The following CDKN2B-AS1 variants were observed in gnomAD, a reference collection of about 807,000 sequenced individuals.
CDKN2B-AS1 encodes CDKN2B antisense RNA 1 (non-protein coding).
intron 4 of CDKN2B-AS1, among the ~76,000 whole-genome samples, chr9:22,116,559 G>T (rs148769495): frequency 2.0e-4 from 31 of 152,280 alleles, no homozygotes; most frequent in African/African-American, 7.5e-4. Context: ...TCTCTGAGGA[G>T]GTGACATTTG....
chr9:22,105,998 C>T (rs1265948926), intron 4 of CDKN2B-AS1, among the ~76,000 whole-genome samples: 1 of 152,228 alleles, frequency 6.6e-6, no homozygotes, highest in Non-Finnish European at 1.5e-5. Context: ...GCAACCTCTG[C>T]CTCCCGGATA....
chr9:22,071,688 A>G (rs1239885532), intron 4 of CDKN2B-AS1, among the ~76,000 whole-genome samples: 1 of 152,164 alleles, frequency 6.6e-6, no homozygotes, highest in Non-Finnish European at 1.5e-5. Flanking sequence ...ATTTTCAAGT[A>G]TCCATTGTGG....
rs945858601 is a variant in CDKN2B-AS1 at position 22,094,600 on chromosome 9, C to G, written n.439-32503C>G. ...ACTGATACCCTTTCTTCCAGTTGATCGAATCGGCTACTGAGGCTTGTGCAT... is the reference window on the plus strand; with the variant it reads ...ACTGATACCCTTTCTTCCAGTTGATGGAATCGGCTACTGAGGCTTGTGCAT... On this transcript the variant is annotated intron_variant and non_coding_transcript_variant, in intron 4 of 4. Transcript: ENST00000650946. 8.3e-5 allele frequency among the ~76,000 whole-genome samples: 12 copies of G among 144,428 alleles called. No individual in the cohort carries two copies. In the South Asian group the frequency reaches 1.3e-3, roughly 15 times the overall value. 94.8% of individuals were successfully genotyped at this position (144,428 alleles called of 152,430 possible).
At chr9:22,041,901 A>G (rs1822911846) in intron 1 of CDKN2B-AS1, among the ~76,000 whole-genome samples, 1 of 152,034 alleles carries the variant, frequency 6.6e-6, no homozygotes, top group African/African-American at 2.4e-5. Flanking sequence ...ATATTTCTCA[A>G]CATACCATAA....
chr9:22,054,036 A>G (rs1276030546), intron 3 of CDKN2B-AS1, among the ~76,000 whole-genome samples: 1 of 152,198 alleles, frequency 6.6e-6, no homozygotes, highest in African/African-American at 2.4e-5. Flanking sequence ...TAGGGTCCTA[A>G]TCTGCAAAAC....
intron 3 of CDKN2B-AS1, among the ~76,000 whole-genome samples, chr9:22,051,836 C>T (rs1823358906): frequency 1.3e-5 from 2 of 152,060 alleles, no homozygotes; most frequent in African/African-American, 4.8e-5. Flanking sequence ...CTGCATATAC[C>T]ACGTATATTT....
intron 1 of CDKN2B-AS1, among the ~76,000 whole-genome samples, chr9:22,038,541 A>AGTTGTTC (rs1187028143): frequency 2.0e-5 from 3 of 151,982 alleles, no homozygotes; most frequent in Non-Finnish European, 4.4e-5. Context: ...AACAACTCTA[A>AGTTGTTC]ATATCCATAC....
At chr9:22,091,180 G>A (rs146616433) in intron 4 of CDKN2B-AS1, among the ~76,000 whole-genome samples, 5,645 of 152,100 alleles carry the variant, frequency 0.037, 231 homozygotes, top group African/African-American at 0.099. Context: ...TGTTCCATTG[G>A]TCTATATCTC....
chr9:22,033,716 C>T (rs1041644796), intron 1 of CDKN2B-AS1, among the ~76,000 whole-genome samples: 1 of 152,178 alleles, frequency 6.6e-6, no homozygotes, highest in African/African-American at 2.4e-5. Context: ...CTTGCTCCAA[C>T]AATTAACACC....
intron 4 of CDKN2B-AS1, among the ~76,000 whole-genome samples, chr9:22,066,957 T>C (rs1824069776): frequency 1.3e-5 from 2 of 151,960 alleles, no homozygotes; most frequent in South Asian, 4.2e-4. Flanking sequence ...GAGCAAACTA[T>C]CGCAAGGACA....
chr9:22,086,116 A>G (rs1824860872), intron 4 of CDKN2B-AS1, among the ~76,000 whole-genome samples: 1 of 152,074 alleles, frequency 6.6e-6, no homozygotes, highest in African/African-American at 2.4e-5. Flanking sequence ...TTAATTCAAC[A>G]TATTTAAAAT....
chr9:22,023,514 A>G (rs2131227867), intron 1 of CDKN2B-AS1, among the ~76,000 whole-genome samples: 1 of 152,114 alleles, frequency 6.6e-6, no homozygotes, highest in East Asian at 1.9e-4. Context: ...TGGGTGGATC[A>G]TTTGAGGTCA....
intron 4 of CDKN2B-AS1, among the ~76,000 whole-genome samples, chr9:22,107,567 A>C (rs780914822): frequency 3.9e-5 from 6 of 152,088 alleles, no homozygotes; most frequent in Non-Finnish European, 7.4e-5. Context: ...TGGGGATTAC[A>C]ATGATCATTT....
At chr9:22,095,002 C>T (rs1315190108) in intron 4 of CDKN2B-AS1, among the ~76,000 whole-genome samples, 1 of 144,658 alleles carries the variant, frequency 6.9e-6, no homozygotes, top group Non-Finnish European at 1.5e-5. Context: ...TGTGGATGTC[C>T]TTTCTGTTTG....
rs903663778 is a variant in CDKN2B-AS1 at position 22,006,935 on chromosome 9, T to G, written n.29+11774T>G. ...TAAAATTATAATAAATGATTTTTCC[T>G]TAACAGTTCATCATTTTAAATTTAG... On this transcript the variant is annotated intron_variant and non_coding_transcript_variant, in intron 1 of 4. Coordinates refer to ENST00000650946, the Ensembl canonical transcript of CDKN2B-AS1. This position sits in a 1 kb window ranked among gnomAD's most constrained non-coding sequence, Gnocchi z 6.4. 6.6e-5 allele frequency among the ~76,000 whole-genome samples: 10 copies of G among 152,140 alleles called. No homozygotes were observed. Among genetic ancestry groups the G allele is most frequent in the Admixed American group, 5.9e-4 (9 of 15,284 alleles).
chr9:22,019,533 T>C (rs1821932175), intron 1 of CDKN2B-AS1, among the ~76,000 whole-genome samples: 1 of 152,016 alleles, frequency 6.6e-6, no homozygotes, highest in South Asian at 2.1e-4. Context: ...GTCACCAAGG[T>C]AGGGAATGCT....
At chr9:22,101,665 AACACACACACAC>A (rs748040681) in intron 4 of CDKN2B-AS1, among the ~76,000 whole-genome samples, 3 of 125,382 alleles carry the variant, frequency 2.4e-5, no homozygotes, top group Non-Finnish European at 5.3e-5. Flanking sequence ...AACCCTCTTC[AACACACACACAC>A]ACACACACAC....
At chr9:22,030,171 C>T (rs1212900098) in intron 1 of CDKN2B-AS1, 3 of 152,204 alleles carry the variant, frequency 2.0e-5, no homozygotes, top group East Asian at 1.9e-4. Context: ...TGCAGTTAAA[C>T]AGCTCACCAC....
chr9:22,117,976 A>G (rs992249150), intron 4 of CDKN2B-AS1: 1 of 152,322 alleles, frequency 6.6e-6, no homozygotes, highest in Non-Finnish European at 1.5e-5. Flanking sequence ...CAGTGAGGCA[A>G]TTGGAGTCTC....
Sources: allele counts gnomAD v4.1 joint callset (sites outside exome capture counted in the v4.1 genomes callset), GRCh38; gene constraint gnomAD v4.1.1; non-coding constraint Gnocchi (gnomAD v3.1); transcripts MANE v1.5; gene names NCBI Gene and HGNC (gene_info 2026-07-23, HGNC 2026-07-21).